SKAP1: variants seen among roughly 807,000 people sequenced by gnomAD.
SKAP1 encodes src kinase associated phosphoprotein 1.
A neutral mutation model predicts 58.5 loss-of-function variants in SKAP1; 44 were observed. The ratio of observed to expected loss-of-function variants is 0.75; its 90% CI spans 0.59 to 0.97. The LOEUF (loss-of-function observed/expected upper bound fraction) is 0.97. Ranked by LOEUF, SKAP1 falls within the 50% of genes least tolerant of loss-of-function variation. SKAP1 has a pLI of 0.00. For synonymous variants in SKAP1, 127 were observed against 149.7 expected (o/e 0.85, Z 1.11); for missense variants, 390 against 435.2 (o/e 0.90, Z 0.92).
At chr17:48,174,162 A>C (rs1384912680) in intron 9 of SKAP1, among the ~76,000 whole-genome samples, 1 of 152,136 alleles carries the variant, frequency 6.6e-6, no homozygotes, top group East Asian at 1.9e-4. Context: ...AAAAAAAAAC[A>C]TTGGCTATAG....
At chr17:48,353,234 T>C (rs1470871569) in intron 3 of SKAP1, among the ~76,000 whole-genome samples, 3 of 152,188 alleles carry the variant, frequency 2.0e-5, no homozygotes, top group Non-Finnish European at 4.4e-5. Context: ...GTGAAATCAA[T>C]ATACTGATTT....
At chr17:48,443,528 T>G in the SKAP1 span, among the ~76,000 whole-genome samples, 1 of 152,136 alleles carries the variant, frequency 6.6e-6, no homozygotes, top group Non-Finnish European at 1.5e-5. Flanking sequence ...CAGGCTGGAG[T>G]GCAATGGTGC....
At chr17:48,221,624 A>T (rs571721151) in intron 4 of SKAP1, among the ~76,000 whole-genome samples, 1 of 152,356 alleles carries the variant, frequency 6.6e-6, no homozygotes, top group African/African-American at 2.4e-5. Flanking sequence ...TAAGGAGGTT[A>T]CTAACCAGCT....
intron 4 of SKAP1, among the ~76,000 whole-genome samples, chr17:48,317,587 C>T: frequency 6.6e-6 from 1 of 152,070 alleles, no homozygotes; most frequent in Non-Finnish European, 1.5e-5. Context: ...TTTTCATGTA[C>T]CAAAAGTTAA....
At chr17:48,234,314 T>A (rs974287951) in intron 4 of SKAP1, among the ~76,000 whole-genome samples, 2 of 152,240 alleles carry the variant, frequency 1.3e-5, no homozygotes, top group Non-Finnish European at 2.9e-5. Flanking sequence ...AATATTTTAA[T>A]TATTCCTAAA....
At chr17:48,380,981 T>G (rs2067207082) in intron 2 of SKAP1, among the ~76,000 whole-genome samples, 1 of 152,230 alleles carries the variant, frequency 6.6e-6, no homozygotes, top group African/African-American at 2.4e-5. Context: ...ATTGTATGCA[T>G]TCCTTATTTA....
At chr17:48,292,477 C>A (rs889889324) in intron 4 of SKAP1, among the ~76,000 whole-genome samples, 1 of 151,630 alleles carries the variant, frequency 6.6e-6, no homozygotes, top group Non-Finnish European at 1.5e-5. Context: ...ACACAATAAG[C>A]AACAATAAAA....
chr17:48,184,457 G>A (rs1398203318), intron 7 of SKAP1, among the ~76,000 whole-genome samples: 1 of 152,190 alleles, frequency 6.6e-6, no homozygotes, highest in Non-Finnish European at 1.5e-5. Flanking sequence ...CAATTGACAA[G>A]CATCTCACCT....
At chr17:48,342,810 C>A (rs1019890386) in intron 4 of SKAP1, among the ~76,000 whole-genome samples, 3 of 152,016 alleles carry the variant, frequency 2.0e-5, no homozygotes, top group Non-Finnish European at 2.9e-5. Context: ...ACGGTGAAAC[C>A]CCGTCTCTAC....
intron 11 of SKAP1, among the ~76,000 whole-genome samples, chr17:48,151,765 A>C (rs919502168): frequency 2.0e-5 from 3 of 152,256 alleles, no homozygotes; most frequent in African/African-American, 7.2e-5. Context: ...CAAATACAGA[A>C]TATTATCAGG....
chr17:48,243,468 A>T (rs2065262726), intron 4 of SKAP1, among the ~76,000 whole-genome samples: 1 of 152,182 alleles, frequency 6.6e-6, no homozygotes, highest in Admixed American at 6.5e-5. Context: ...TTTTGGAAAT[A>T]GGATCTTCAC....
intron 1 of SKAP1, among the ~76,000 whole-genome samples, chr17:48,410,934 C>CAAAAAAAAAAAAAA (rs61705374): frequency 3.0e-5 from 2 of 66,972 alleles, no homozygotes; most frequent in Non-Finnish European, 5.6e-5. Flanking sequence ...GACTCCATTT[C>CAAAAAAAAAAAAAA]AAAAAAAAAA....
chr17:48,170,744 C>G, intron 9 of SKAP1, 85 bp from the exon 10 acceptor site: 1 of 1,231,380 alleles, frequency 8.1e-7, no homozygotes, highest in Non-Finnish European at 1.2e-6. Context: ...GAGTCTTGCT[C>G]TGTTGTCTAG....
At chr17:48,414,635 A>C (rs1311185500) in intron 1 of SKAP1, among the ~76,000 whole-genome samples, 1 of 152,244 alleles carries the variant, frequency 6.6e-6, no homozygotes, top group African/African-American at 2.4e-5. Flanking sequence ...CTCAGCTTCC[A>C]GGTAGCTTAT....
At chr17:48,240,617 A>G (rs1202772840) in intron 4 of SKAP1, among the ~76,000 whole-genome samples, 2 of 152,196 alleles carry the variant, frequency 1.3e-5, no homozygotes, top group Non-Finnish European at 2.9e-5. Flanking sequence ...AGAAGAACCT[A>G]GTAAAGTGCT....
chr17:48,172,077 C>CA (rs1324068398), intron 9 of SKAP1, among the ~76,000 whole-genome samples: 1 of 152,026 alleles, frequency 6.6e-6, no homozygotes, highest in African/African-American at 2.4e-5. Flanking sequence ...AAACAAAAAA[C>CA]AAAAAACCCT....
At chr17:48,307,755 G>A (rs1383627935) in intron 4 of SKAP1, 1 of 151,854 alleles carries the variant, frequency 6.6e-6, no homozygotes, top group African/African-American at 2.4e-5. Context: ...CAATTTTTTT[G>A]TGTGGGGGTC....
In SKAP1 at chr17:48,138,299, C is replaced by G. The variant is rs185008154; in HGVS notation, c.979-962G>C. 3.3e-5 allele frequency among the ~76,000 whole-genome samples: 5 copies of G among 150,852 alleles called. No individual in the cohort carries two copies. In the East Asian group the frequency reaches 5.9e-4, roughly 18 times the overall value. On this transcript the variant is annotated intron_variant, in intron 11 of 12. Coordinates refer to ENST00000336915, the MANE Select transcript of SKAP1 (RefSeq NM_003726.4). ...AGCTCACTGCAACCTCCGGCTCCCACGTTCAAGCAATTCTCCTGTCTCAAC... is the reference window on the plus strand; with the variant it reads ...AGCTCACTGCAACCTCCGGCTCCCAGGTTCAAGCAATTCTCCTGTCTCAAC...
chr17:48,367,702 A>G (rs1001554144), intron 2 of SKAP1, among the ~76,000 whole-genome samples: 4 of 151,638 alleles, frequency 2.6e-5, no homozygotes, highest in Non-Finnish European at 4.4e-5. Context: ...AGGATTGCCC[A>G]AGCCCAGGAG....
Sources: gnomAD v4.1 joint callset for allele counts (sites outside exome capture counted in the v4.1 genomes callset) on GRCh38, gnomAD v4.1.1 for gene constraint, MANE v1.5 for transcripts, NCBI Gene and HGNC (gene_info 2026-07-23, HGNC 2026-07-21) for gene names.